The following PCDHGA7 variants were observed in gnomAD, a reference collection of about 807,000 sequenced individuals.
PCDHGA7 encodes protocadherin gamma subfamily A, 7.
A neutral mutation model predicts 58.3 loss-of-function variants in PCDHGA7; 44 were observed. The observed-to-expected ratio is 0.75, with a 90% CI of 0.59 to 0.97. The LOEUF (loss-of-function observed/expected upper bound fraction) is 0.97, where lower values mean the gene tolerates loss of function less well. Among genes scored for constraint, PCDHGA7 ranks in the 50% least tolerant of loss-of-function variants. The pLI, the probability that PCDHGA7 is intolerant of heterozygous loss-of-function variation, is 0.00. For synonymous variants in PCDHGA7, 516 were observed against 504.2 expected (o/e 1.02, Z -0.31); for missense variants, 1,266 against 1,188.7 (o/e 1.06, Z -0.96).
At chr5:141,392,818 C>A in intron 1 of PCDHGA7, 1 of 1,589,060 alleles carries the variant, frequency 6.3e-7, no homozygotes, top group Non-Finnish European at 8.6e-7. Flanking sequence ...ACAACAATGG[C>A]CGCTCCACAG....
Position 141,481,770 on chromosome 5 carries a change from G to T in PCDHGA7, c.2425-13037G>T, listed in dbSNP as rs188953511. 6.1e-3 allele frequency among the ~76,000 whole-genome samples: 929 copies of T among 152,184 alleles called. 10 individuals are homozygous for T. Among genetic ancestry groups the T allele is most frequent in the African/African-American group, 0.022 (895 of 41,516 alleles). On this transcript the variant is annotated intron_variant, in intron 1 of 3. Coordinates refer to ENST00000518325, the MANE Select transcript of PCDHGA7 (RefSeq NM_018920.4). ...AGTCCAAGACCAGCCTGGCCAACAT[G>T]GTGAAACCCCGTCTCTACTAAAAAT... is the stretch of plus-strand genomic sequence containing the variant.
At chr5:141,430,392 A>G (rs2097281137) in intron 1 of PCDHGA7, among the ~76,000 whole-genome samples, 1 of 152,136 alleles carries the variant, frequency 6.6e-6, no homozygotes, top group Non-Finnish European at 1.5e-5. Context: ...GGAAAAAAAA[A>G]AAAAGCTCAC....
At position 141,431,260 on chromosome 5, in the gene PCDHGA7, G is replaced by A. The variant is rs762250032; in HGVS notation, c.2424+45937G>A. The A allele has an allele frequency of 6.2e-7, 1 of 1,614,170 alleles. No individual in the cohort carries two copies. The highest frequency in any genetic ancestry group is 2.2e-5 in the East Asian group (1 of 44,892). On this transcript the variant is annotated intron_variant, in intron 1 of 3. Coordinates refer to ENST00000518325, the MANE Select transcript of PCDHGA7 (RefSeq NM_018920.4). The surrounding 1 kb of genome is among the most constrained non-coding windows in gnomAD (Gnocchi z 4.8). The stretch of plus-strand genomic sequence containing the variant: ...ATCCGGATATCGGGAAGAACTCTCT[G>A]CAGAGCTACGAGCTCAGCCCGAACA...
intron 1 of PCDHGA7, chr5:141,409,566 C>T: frequency 2.5e-6 from 4 of 1,613,978 alleles, no homozygotes; most frequent in Middle Eastern, 1.6e-4. Context: ...TTCGACCAGA[C>T]GTCCTACGTG....
At chr5:141,509,344 T>A (rs2099876374) in intron 3 of PCDHGA7, among the ~76,000 whole-genome samples, 1 of 152,202 alleles carries the variant, frequency 6.6e-6, no homozygotes, top group Admixed American at 6.5e-5. Flanking sequence ...GGGCCTGGGC[T>A]GGCCTGGGCA....
At chr5:141,447,023 G>GTT (rs5871773) in intron 1 of PCDHGA7, among the ~76,000 whole-genome samples, 2,010 of 151,524 alleles carry the variant, frequency 0.013, 40 homozygotes, top group African/African-American at 0.047. Context: ...GTTTTGTTTT[G>GTT]TTTTTTTTCT....
At chr5:141,508,029 A>C (rs941166006) in intron 3 of PCDHGA7, 10 of 152,264 alleles carry the variant, frequency 6.6e-5, no homozygotes, top group African/African-American at 2.4e-4. Flanking sequence ...TGCGGTTTGC[A>C]GCTCAGCCAG....
Position 141,490,710 on chromosome 5 carries a change from C to G in PCDHGA7, c.2425-4097C>G, listed in dbSNP as rs1158575765. On this transcript the variant is annotated intron_variant, in intron 1 of 3. Coordinates refer to ENST00000518325, the MANE Select transcript of PCDHGA7 (RefSeq NM_018920.4). The surrounding 1 kb of genome is among the most constrained non-coding windows in gnomAD (Gnocchi z 5.4). ...ACACTGGGGATAATGCCCGCCTCAC[C>G]TACTCCATTGTAGGAAATCAGGTTC... 6.2e-7 allele frequency: 1 copy of G among 1,614,208 alleles called. No homozygotes were observed. The highest frequency in any genetic ancestry group is 8.5e-7 in the Non-Finnish European group (1 of 1,180,030).
At chr5:141,437,826 CT>C (rs1263000808) in intron 1 of PCDHGA7, among the ~76,000 whole-genome samples, 5 of 151,936 alleles carry the variant, frequency 3.3e-5, no homozygotes, top group African/African-American at 1.2e-4. Flanking sequence ...CAACCTCTGC[CT>C]CCTGGGTTCA....
intron 1 of PCDHGA7, among the ~76,000 whole-genome samples, chr5:141,386,767 T>A (rs749741311): frequency 5.3e-5 from 8 of 152,202 alleles, no homozygotes; most frequent in Non-Finnish European, 1.0e-4. Flanking sequence ...TTATAAGGTA[T>A]TTTGTAAAAG....
rs779949817 is a variant in PCDHGA7 at position 141,487,266 on chromosome 5, T to G, written c.2425-7541T>G. The G allele has an allele frequency of 6.2e-7, 1 of 1,614,054 alleles. No individual in the cohort carries two copies. The highest frequency in any genetic ancestry group is 8.5e-7 in the Non-Finnish European group (1 of 1,180,044). On this transcript the variant is annotated intron_variant, in intron 1 of 3. Transcript: ENST00000518325. This position sits in a 1 kb window ranked among gnomAD's most constrained non-coding sequence, Gnocchi z 5.0. The stretch of plus-strand genomic sequence containing the variant: ...ACCCTCTACTTGGCTGTGTCCCTAG[T>G]GGCAATTTGCTTTGTCTCCTTTGGC...
rs776718024 is a variant in PCDHGA7 at position 141,486,333 on chromosome 5, T to C, written c.2425-8474T>C. 8.1e-6 allele frequency: 13 copies of C among 1,614,080 alleles called. No individual in the cohort carries two copies. Among genetic ancestry groups the C allele is most frequent in the Non-Finnish European group, 1.1e-5 (13 of 1,179,998 alleles). On this transcript the variant is annotated intron_variant, in intron 1 of 3. Coordinates refer to ENST00000518325, the MANE Select transcript of PCDHGA7 (RefSeq NM_018920.4). The surrounding 1 kb of genome is among the most constrained non-coding windows in gnomAD (Gnocchi z 5.0). ...TCAGGGTCAAACGGAGATGTGAGCC[T>C]CCGCATTCCTGACCACTTGCCATTT...
At position 141,489,871 on chromosome 5, in the gene PCDHGA7, G is replaced by C; in HGVS notation, c.2425-4936G>C. ...TGAAGCCCAGGCAAGACATCAGCTGGTGCTTACTGCTGTGGATGGGGGGAC... is the reference window on the plus strand; with the variant it reads ...TGAAGCCCAGGCAAGACATCAGCTGCTGCTTACTGCTGTGGATGGGGGGAC... On this transcript the variant is annotated intron_variant, in intron 1 of 3. Coordinates refer to ENST00000518325, the MANE Select transcript of PCDHGA7 (RefSeq NM_018920.4). The surrounding 1 kb of genome is among the most constrained non-coding windows in gnomAD (Gnocchi z 4.5). 1 of 1,614,206 alleles carries C rather than the reference G, an allele frequency of 6.2e-7. No individual in the cohort carries two copies.
intron 1 of PCDHGA7, among the ~76,000 whole-genome samples, chr5:141,480,400 G>A (rs1364147575): frequency 6.8e-6 from 1 of 146,550 alleles, no homozygotes; most frequent in Non-Finnish European, 1.5e-5. Context: ...TGGCAATAGA[G>A]TGAGACCCTG....
chr5:141,384,447 G>T lies in PCDHGA7; in HGVS notation c.1548G>T (p.Ala516=). The change falls in exon 1 of 4, where the codon GCG becomes GCT. Residue 516 remains alanine (A), a synonymous_variant. Transcript: ENST00000518325. The part of the protein sequence containing the change: ...SINSDTGVLY[A]LQSFDYEQLR... ...ACTCTGACACTGGAGTCCTGTACGC[G>T]CTGCAATCCTTTGATTATGAGCAGT... 1 of 1,614,008 alleles carries T rather than the reference G, an allele frequency of 6.2e-7. No individual in the cohort carries two copies. Among genetic ancestry groups the T allele is most frequent in the African/African-American group, 1.3e-5 (1 of 75,052 alleles).
chr5:141,410,628 T>G (rs758174899), intron 1 of PCDHGA7: 1 of 1,602,040 alleles, frequency 6.2e-7, no homozygotes, highest in South Asian at 1.1e-5. Context: ...TCGGTGAGTT[T>G]CTCTTTTTTG....
chr5:141,395,538 TTGTTTGTG>T (rs2093252084), intron 1 of PCDHGA7: 3 of 225,786 alleles, frequency 1.3e-5, no homozygotes, highest in South Asian at 6.0e-5. Flanking sequence ...AATTTTGCTA[TTGTTTGTG>T]TGTGTGTGTG....
At chr5:141,387,649 G>T (rs1020449158) in intron 1 of PCDHGA7, 13 of 640,184 alleles carry the variant, frequency 2.0e-5, no homozygotes, top group Non-Finnish European at 3.1e-5. Context: ...TGGCCAAAGT[G>T]GAGAGCTTGG....
intron 1 of PCDHGA7, chr5:141,411,997 T>A (rs1321898808): frequency 6.6e-6 from 1 of 152,030 alleles, no homozygotes; most frequent in Non-Finnish European, 1.5e-5. Context: ...GAAGGCATAG[T>A]GACATAAACA....
Sources: gnomAD v4.1 joint callset for allele counts (sites outside exome capture counted in the v4.1 genomes callset) on GRCh38, gnomAD v4.1.1 for gene constraint, Gnocchi (gnomAD v3.1) non-coding constraint, MANE v1.5 for transcripts, NCBI Gene and HGNC (gene_info 2026-07-23, HGNC 2026-07-21) for gene names.